FSTL5: variants seen among roughly 807,000 people sequenced by gnomAD.
FSTL5 encodes the protein follistatin like 5.
In FSTL5, 62 loss-of-function variants were observed where a neutral mutation model predicts 89.1. That is an observed-to-expected ratio of 0.70 (90% CI 0.57 to 0.86). The LOEUF is 0.86. Ranked by LOEUF, FSTL5 falls within the 40% of genes least tolerant of loss-of-function variation. The probability of loss-of-function intolerance (pLI) is 0.00; values close to 1 mark genes in which losing one functional copy is unlikely to be tolerated. For synonymous variants in FSTL5, 383 were observed against 346.2 expected (o/e 1.11, Z -1.18); for missense variants, 1,057 against 1,001.6 (o/e 1.06, Z -0.75).
At chr4:161,977,612 C>CAAAAAAAAAAAAAAAAAA (rs796909244) in intron 3 of FSTL5, among the ~76,000 whole-genome samples, 3 of 95,138 alleles carry the variant, frequency 3.2e-5, no homozygotes, top group African/African-American at 3.9e-5. Flanking sequence ...GACTCCGTGT[C>CAAAAAAAAAAAAAAAAAA]AAAAAAAAAA....
intron 6 of FSTL5, among the ~76,000 whole-genome samples, chr4:161,730,253 T>C (rs1489014564): frequency 6.6e-6 from 1 of 152,104 alleles, no homozygotes; most frequent in Non-Finnish European, 1.5e-5. Flanking sequence ...GCATCTATTA[T>C]TTTGGAAACT....
intron 12 of FSTL5, among the ~76,000 whole-genome samples, chr4:161,481,539 G>A (rs1409086540): frequency 1.3e-5 from 2 of 152,030 alleles, no homozygotes; most frequent in East Asian, 1.9e-4. Flanking sequence ...AGTATATTCC[G>A]AGTTTTACAC....
intron 6 of FSTL5, among the ~76,000 whole-genome samples, chr4:161,662,398 A>T (rs2126688502): frequency 6.6e-6 from 1 of 152,280 alleles, no homozygotes; most frequent in Admixed American, 6.5e-5. Flanking sequence ...TATGAAAATA[A>T]AATTCCAGGT....
intron 6 of FSTL5, among the ~76,000 whole-genome samples, chr4:161,711,922 C>T (rs1738794877): frequency 6.6e-6 from 1 of 152,068 alleles, no homozygotes; most frequent in Non-Finnish European, 1.5e-5. Flanking sequence ...TGTCATAATC[C>T]AAAACCTTTG....
rs142518962 is a variant in FSTL5, at chr4:161,575,420, G to C, written c.1015+12035C>G. 7.6e-4 allele frequency among the ~76,000 whole-genome samples: 115 copies of C among 152,080 alleles called. 1 individual carries two copies. The East Asian group carries it at 0.018, about 24-fold the overall frequency. ...TTTTAGTTATGAAGTCTTTGCCCAT[G>C]CCTATGTCTTGAATGGTATTGTCCA... On this transcript the variant is annotated intron_variant, in intron 8 of 15. Coordinates refer to ENST00000306100, the MANE Select transcript of FSTL5 (RefSeq NM_020116.5).
intron 2 of FSTL5, among the ~76,000 whole-genome samples, chr4:162,069,602 C>T (rs1043613113): frequency 6.6e-6 from 1 of 151,828 alleles, no homozygotes; most frequent in Non-Finnish European, 1.5e-5. Context: ...TTCCATGAGC[C>T]CAACATTTTA....
chr4:161,755,465 A>G (rs1740536641), intron 6 of FSTL5, among the ~76,000 whole-genome samples: 1 of 152,076 alleles, frequency 6.6e-6, no homozygotes, highest in African/African-American at 2.4e-5. Flanking sequence ...GCAGAGAGAA[A>G]GAACCTGGAA....
intron 6 of FSTL5, among the ~76,000 whole-genome samples, chr4:161,705,645 A>G (rs1359777864): frequency 2.6e-5 from 4 of 151,858 alleles, no homozygotes; most frequent in Non-Finnish European, 1.5e-5. Flanking sequence ...TGATTTGATC[A>G]AATTCTTCTT....
chr4:162,155,098 T>C (rs1015851634), intron 1 of FSTL5, among the ~76,000 whole-genome samples: 1 of 152,182 alleles, frequency 6.6e-6, no homozygotes, highest in African/African-American at 2.4e-5. Context: ...GCAGGACCTA[T>C]AACTTGCTTT....
chr4:161,891,995 T>G (rs2110756477), intron 4 of FSTL5, among the ~76,000 whole-genome samples: 1 of 152,192 alleles, frequency 6.6e-6, no homozygotes, highest in South Asian at 2.1e-4. Context: ...TTGACAGTTT[T>G]GCTTCAATTT....
chr4:161,692,066 G>GT (rs528122889), intron 6 of FSTL5, among the ~76,000 whole-genome samples: 20 of 150,084 alleles, frequency 1.3e-4, no homozygotes, highest in Non-Finnish European at 1.5e-4. Flanking sequence ...CCTTTTGTAC[G>GT]TTTTTTTTTC....
chr4:161,930,011 G>A (rs929829003), intron 3 of FSTL5, among the ~76,000 whole-genome samples: 1 of 151,640 alleles, frequency 6.6e-6, no homozygotes, highest in Non-Finnish European at 1.5e-5. Context: ...TTTTTTAAGA[G>A]CCATATTTAT....
chr4:161,863,820 G>A (rs1409505558), intron 4 of FSTL5, among the ~76,000 whole-genome samples: 1 of 152,176 alleles, frequency 6.6e-6, no homozygotes, highest in Non-Finnish European at 1.5e-5. Flanking sequence ...TTCTAGAGAA[G>A]GACTTCAGCA....
chr4:161,606,622 T>C (rs1734454314), intron 7 of FSTL5, among the ~76,000 whole-genome samples: 1 of 152,166 alleles, frequency 6.6e-6, no homozygotes, highest in South Asian at 2.1e-4. Context: ...TTGATCACCT[T>C]TTAAAAGTTA....
intron 4 of FSTL5, among the ~76,000 whole-genome samples, chr4:161,801,064 C>T (rs558007417): frequency 2.5e-4 from 38 of 151,470 alleles, no homozygotes; most frequent in African/African-American, 7.0e-4. Flanking sequence ...TAGTATTAGA[C>T]GGTGAAAAGT....
chr4:161,601,696 C>G (rs955622094), intron 7 of FSTL5, among the ~76,000 whole-genome samples: 1 of 152,032 alleles, frequency 6.6e-6, no homozygotes, highest in African/African-American at 2.4e-5. Context: ...GAGGATGGAC[C>G]AGGCACAATC....
chr4:162,076,594 T>C (rs1305817460), intron 2 of FSTL5, among the ~76,000 whole-genome samples: 3 of 151,818 alleles, frequency 2.0e-5, no homozygotes, highest in Non-Finnish European at 4.4e-5. Context: ...TGAGGTTATT[T>C]GGGATAATGT....
intron 3 of FSTL5, among the ~76,000 whole-genome samples, chr4:161,958,501 A>G (rs548624790): frequency 6.6e-6 from 1 of 152,240 alleles, no homozygotes; most frequent in African/African-American, 2.4e-5. Flanking sequence ...CATAGACACA[A>G]TTTGGTCTCT....
At chr4:161,874,746 A>G (rs1216935943) in intron 4 of FSTL5, among the ~76,000 whole-genome samples, 1 of 152,022 alleles carries the variant, frequency 6.6e-6, no homozygotes, top group Non-Finnish European at 1.5e-5. Flanking sequence ...TTTTTGTAAT[A>G]TTAATTATAG....
Sources: allele counts gnomAD v4.1 joint callset (sites outside exome capture counted in the v4.1 genomes callset), GRCh38; gene constraint gnomAD v4.1.1; transcripts MANE v1.5; gene names NCBI Gene and HGNC (gene_info 2026-07-23, HGNC 2026-07-21).